Variants in COMMD9 observed in about 807,000 individuals in gnomAD.
The protein encoded by COMMD9 is COMM domain containing 9.
In COMMD9, 22 loss-of-function variants were observed where a neutral mutation model predicts 23.4. That is an observed-to-expected ratio of 0.94 (90% CI 0.67 to 1.34). The LOEUF (loss-of-function observed/expected upper bound fraction) is 1.34, where lower values mean the gene tolerates loss of function less well. COMMD9 is among the 40% of genes most tolerant of loss of function. COMMD9 has a pLI of 0.00. For missense variants in COMMD9, 231 were observed against 240.2 expected (o/e 0.96, Z 0.25); for synonymous variants, 99 against 97.4 (o/e 1.02, Z -0.10).
At chr11:36,289,065 A>G (rs1856221717) in intron 1 of COMMD9, among the ~76,000 whole-genome samples, 1 of 152,174 alleles carries the variant, frequency 6.6e-6, no homozygotes, top group African/African-American at 2.4e-5. Context: ...GGGTCTAGCA[A>G]TTACCACTTC....
At chr11:36,283,144 T>C (rs1322571611) in intron 1 of COMMD9, among the ~76,000 whole-genome samples, 3 of 152,138 alleles carry the variant, frequency 2.0e-5, no homozygotes, top group Non-Finnish European at 4.4e-5. Context: ...CTTCCTGTCT[T>C]TGTCCACTGA....
chr11:36,282,504 G>T (rs373948989), intron 1 of COMMD9, among the ~76,000 whole-genome samples: 1 of 151,112 alleles, frequency 6.6e-6, no homozygotes, highest in African/African-American at 2.4e-5. Flanking sequence ...TTTTTCAGGT[G>T]CTGAAAGGGA....
At chr11:36,288,539 A>C (rs10836527) in intron 1 of COMMD9, among the ~76,000 whole-genome samples, 34,264 of 152,074 alleles carry the variant, frequency 0.23, 4,209 homozygotes, top group African/African-American at 0.32. Context: ...GCGGTGGCTC[A>C]CGCCTGTAAT....
intron 1 of COMMD9, among the ~76,000 whole-genome samples, chr11:36,286,410 A>AAAGAAAG (rs1554981007): frequency 1.9e-4 from 20 of 104,824 alleles, no homozygotes; most frequent in African/African-American, 7.8e-4. Flanking sequence ...AAAAAAAAAA[A>AAAGAAAG]AAAGAAAGAA....
At chr11:36,286,465 G>T (rs1236098817) in intron 1 of COMMD9, among the ~76,000 whole-genome samples, 2 of 150,462 alleles carry the variant, frequency 1.3e-5, no homozygotes, top group African/African-American at 2.4e-5. Context: ...CTGGAGGGGT[G>T]GTGGGCACCT....
intron 4 of COMMD9, 132 bp from the exon 5 acceptor site, chr11:36,276,372 G>T: frequency 1.6e-6 from 1 of 643,522 alleles, no homozygotes; most frequent in Non-Finnish European, 2.8e-6. Context: ...GAGAAAGACA[G>T]ATAAACAAAG....
Position 36,276,134 on chromosome 11 carries a change from T to C in COMMD9, c.456+3A>G. ...CTTTCTAATGGCATGATAGTGAATG[T>C]ACCTTCATCTGGAGCAGGCAGGTGG... On this transcript the variant is annotated splice_donor_region_variant and intron_variant, in intron 5 of 5. Coordinates refer to ENST00000263401, the MANE Select transcript of COMMD9 (RefSeq NM_014186.4). The C allele has an allele frequency of 6.2e-7, 1 of 1,608,408 alleles. No homozygotes were observed. Among genetic ancestry groups the C allele is most frequent in the East Asian group, 2.2e-5 (1 of 44,846 alleles).
chr11:36,287,723 G>T (rs1856196289), intron 1 of COMMD9, among the ~76,000 whole-genome samples: 1 of 152,020 alleles, frequency 6.6e-6, no homozygotes, highest in African/African-American at 2.4e-5. Context: ...AGTATATGCT[G>T]TATTATTCCA....
At chr11:36,276,039 A>C in intron 5 of COMMD9, 98 bp downstream of exon 5, 1 of 834,518 alleles carries the variant, frequency 1.2e-6, no homozygotes, top group East Asian at 2.5e-5. Flanking sequence ...TAATTTAAAA[A>C]AATATATGGG....
intron 3 of COMMD9, 66 bp from the exon 4 acceptor site, chr11:36,277,189 G>T: frequency 8.0e-7 from 1 of 1,251,412 alleles, no homozygotes; most frequent in Non-Finnish European, 1.1e-6. Context: ...TTCTGATAGA[G>T]AGGGGAACTG....
At chr11:36,288,303 T>G (rs951265026) in intron 1 of COMMD9, among the ~76,000 whole-genome samples, 2 of 149,708 alleles carry the variant, frequency 1.3e-5, no homozygotes, top group African/African-American at 4.9e-5. Flanking sequence ...CATGGACCGA[T>G]GATGATGATG....
At chr11:36,276,579 G>A (rs1274819851) in intron 4 of COMMD9, 3 of 251,720 alleles carry the variant, frequency 1.2e-5, no homozygotes, top group South Asian at 9.3e-5. Context: ...TTCAGCAATA[G>A]TGGTAAGAGC....
rs1036771208 is a variant in COMMD9 at position 36,274,758 on chromosome 11, G to A, written c.471C>T (p.Pro157=). Residue 157 remains proline (P), a synonymous_variant, in exon 6 of 6, where the codon CCC becomes CCT. Coordinates refer to ENST00000263401, the MANE Select transcript of COMMD9 (RefSeq NM_014186.4). ...TGGAGGGTTTGTCTCCGCATAGGCT[G>A]GGATCTTCTTGGATCTGAAACGAGA... is the stretch of plus-strand genomic sequence containing the variant. The part of the protein sequence containing the change: ...CLLQMKIQED[P]SLCGDKPSIS... 6.2e-6 allele frequency: 10 copies of A among 1,614,248 alleles called. No homozygotes were observed. The highest frequency in any genetic ancestry group is 1.3e-5 in the African/African-American group (1 of 75,074).
intron 2 of COMMD9, among the ~76,000 whole-genome samples, chr11:36,279,411 G>A (rs899396280): frequency 1.3e-4 from 20 of 152,336 alleles, no homozygotes; most frequent in African/African-American, 4.6e-4. Flanking sequence ...GCTCTCTGGA[G>A]GTAACTGTTT....
chr11:36,277,908 T>G (rs537039097), intron 3 of COMMD9, among the ~76,000 whole-genome samples: 37 of 152,222 alleles, frequency 2.4e-4, no homozygotes, highest in Non-Finnish European at 4.4e-4. Context: ...TGTGGAAAAA[T>G]ACTGCAATAT....
chr11:36,287,793 G>T (rs1052137864), intron 1 of COMMD9, among the ~76,000 whole-genome samples: 4 of 152,148 alleles, frequency 2.6e-5, no homozygotes, highest in African/African-American at 9.6e-5. Context: ...CAAACATAGA[G>T]GTTACCATTG....
intron 1 of COMMD9, among the ~76,000 whole-genome samples, chr11:36,286,979 T>C (rs954713461): frequency 6.6e-6 from 1 of 151,982 alleles, no homozygotes; most frequent in African/African-American, 2.4e-5. Flanking sequence ...ACATTAGGTA[T>C]TGACATCCAT....
chr11:36,279,951 CA>C (rs1252553355), intron 2 of COMMD9, among the ~76,000 whole-genome samples: 2 of 151,978 alleles, frequency 1.3e-5, no homozygotes, highest in Admixed American at 6.6e-5. Context: ...ACAAAAAATA[CA>C]AAAATTAGCC....
Position 36,289,418 on chromosome 11 carries a change from C to G in COMMD9, c.-6G>C. The G allele has an allele frequency of 6.4e-7, 1 of 1,551,810 alleles. No individual in the cohort carries two copies. The highest frequency in any genetic ancestry group is 8.7e-7 in the Non-Finnish European group (1 of 1,147,084). On this transcript the variant is annotated 5_prime_UTR_variant, in exon 1 of 6. Transcript: ENST00000263401. ...TCCGCTGTCAGGGCAGCCATCTTGC[C>G]GAAGTCACATGACCGTGGCACCCAG...
Sources: allele counts gnomAD v4.1 joint callset (sites outside exome capture counted in the v4.1 genomes callset), GRCh38; gene constraint gnomAD v4.1.1; transcripts MANE v1.5; gene names NCBI Gene and HGNC (gene_info 2026-07-23, HGNC 2026-07-21).